The following RBFOX3 variants were observed in gnomAD, a reference collection of about 807,000 sequenced individuals.
RBFOX3 encodes the protein RNA binding fox-1 homolog 3.
In RBFOX3, 17 loss-of-function variants were observed where a neutral mutation model predicts 48.7. The ratio of observed to expected loss-of-function variants is 0.35; its 90% CI spans 0.24 to 0.52. The LOEUF (loss-of-function observed/expected upper bound fraction) is 0.52, where lower values mean the gene tolerates loss of function less well. Among genes scored for constraint, RBFOX3 ranks in the 20% least tolerant of loss-of-function variants. The probability of loss-of-function intolerance (pLI) is 0.94; values close to 1 mark genes in which losing one functional copy is unlikely to be tolerated. For missense variants in RBFOX3, 382 were observed against 497.5 expected (o/e 0.77, Z 2.21); for synonymous variants, 212 against 209.5 (o/e 1.01, Z -0.10).
At chr17:79,262,840 GC>G in intron 3 of RBFOX3, among the ~76,000 whole-genome samples, 1 of 152,398 alleles carries the variant, frequency 6.6e-6, no homozygotes, top group East Asian at 1.9e-4. Context: ...CACTGGGGCA[GC>G]CCCAATAGGG....
chr17:79,222,184 T>TGCAGCCTGATTTCTACCG (rs1434073877), intron 4 of RBFOX3, among the ~76,000 whole-genome samples: 23 of 151,980 alleles, frequency 1.5e-4, no homozygotes, highest in Middle Eastern at 3.4e-3. Context: ...GATTTCTACC[T>TGCAGCCTGATTTCTACCG]GCAGCCTGAT....
At chr17:79,548,501 G>A (rs2090773840) in intron 1 of RBFOX3, among the ~76,000 whole-genome samples, 2 of 152,244 alleles carry the variant, frequency 1.3e-5, no homozygotes, top group South Asian at 4.1e-4. Flanking sequence ...CTTTATTTCT[G>A]CAGGAAGCGC....
At chr17:79,410,613 G>A (rs2064177911) in intron 2 of RBFOX3, among the ~76,000 whole-genome samples, 1 of 152,198 alleles carries the variant, frequency 6.6e-6, no homozygotes, top group Non-Finnish European at 1.5e-5. Context: ...CTGGTGGCGT[G>A]AAAGTGGAGG....
intron 1 of RBFOX3, among the ~76,000 whole-genome samples, chr17:79,495,954 A>G (rs112503647): frequency 0.014 from 2,057 of 152,042 alleles, 42 homozygotes; most frequent in African/African-American, 0.047. Context: ...GCAGATGGGA[A>G]CGTGCAGAAA....
intron 1 of RBFOX3, among the ~76,000 whole-genome samples, chr17:79,608,318 C>T (rs2093883586): frequency 1.3e-5 from 2 of 152,228 alleles, no homozygotes; most frequent in African/African-American, 4.8e-5. Flanking sequence ...AAAGGCCCAT[C>T]CGAGTAAGGG....
At chr17:79,429,232 C>T (rs1170654515) in intron 2 of RBFOX3, among the ~76,000 whole-genome samples, 1 of 152,244 alleles carries the variant, frequency 6.6e-6, no homozygotes, top group Non-Finnish European at 1.5e-5. Flanking sequence ...GGAAAGGCAT[C>T]CTTGACCCTC....
chr17:79,162,057 T>C (rs991991894), intron 4 of RBFOX3, among the ~76,000 whole-genome samples: 1 of 152,158 alleles, frequency 6.6e-6, no homozygotes, highest in Admixed American at 6.5e-5. Context: ...CAGCTGCCCC[T>C]GCTGAGAATT....
rs1258798206 is a variant in RBFOX3 at position 79,299,715 on chromosome 17, G to A, written c.-74+8009C>T. ...GGTTAAACTGAGTTAATTAGGGTGA[G>A]TCTTAATCCAAAGTGACTGTTCTCC... On this transcript the variant is annotated intron_variant, in intron 3 of 14. Transcript: ENST00000693108. This position sits in a 1 kb window ranked among gnomAD's most constrained non-coding sequence, Gnocchi z 4.5. Among the ~76,000 whole-genome samples the A allele has an allele frequency of 6.6e-6, 1 of 152,140 alleles. No homozygotes were observed. The highest frequency in any genetic ancestry group is 1.5e-5 in the Non-Finnish European group (1 of 68,022).
intron 4 of RBFOX3, among the ~76,000 whole-genome samples, chr17:79,130,098 C>T (rs1276991620): frequency 2.0e-5 from 3 of 152,120 alleles, no homozygotes; most frequent in Admixed American, 1.3e-4. Flanking sequence ...TGACTTGCTC[C>T]CACCCCATCC....
intron 1 of RBFOX3, among the ~76,000 whole-genome samples, chr17:79,532,234 C>T (rs2062972032): frequency 2.0e-5 from 3 of 152,050 alleles, no homozygotes. Context: ...AGGCTCAGTT[C>T]CCCCTTTGTA....
chr17:79,209,759 G>A (rs8071345), intron 4 of RBFOX3, among the ~76,000 whole-genome samples: 91 of 151,986 alleles, frequency 6.0e-4, no homozygotes, highest in South Asian at 1.2e-3. Flanking sequence ...TTTGGGAGGC[G>A]GAGGCGGGTG....
Position 79,423,205 on chromosome 17 carries a change from C to G in RBFOX3, c.-175+59249G>C, listed in dbSNP as rs572019588. 2.0e-5 allele frequency among the ~76,000 whole-genome samples: 3 copies of G among 152,332 alleles called. No individual in the cohort carries two copies. The highest frequency in any genetic ancestry group is 3.9e-4 in the East Asian group (2 of 5,178). On this transcript the variant is annotated intron_variant, in intron 2 of 14. Transcript: ENST00000693108. This position sits in a 1 kb window ranked among gnomAD's most constrained non-coding sequence, Gnocchi z 4.9. ...CACATGTCCAAAACCAAACTCCTCACGTCCTGCGGTCTCCCCGTGGAAGCC... is the reference window on the plus strand; with the variant it reads ...CACATGTCCAAAACCAAACTCCTCAGGTCCTGCGGTCTCCCCGTGGAAGCC...
At chr17:79,145,464 G>C (rs1429932271) in intron 4 of RBFOX3, among the ~76,000 whole-genome samples, 2 of 152,344 alleles carry the variant, frequency 1.3e-5, no homozygotes, top group South Asian at 2.1e-4. Context: ...GACTTTAAAG[G>C]CTCCTGTGGT....
chr17:79,269,330 T>A (rs555585240), intron 3 of RBFOX3, among the ~76,000 whole-genome samples: 2 of 152,216 alleles, frequency 1.3e-5, no homozygotes, highest in South Asian at 2.1e-4. Context: ...AGGAGGCATT[T>A]CTGCTGTTGA....
intron 4 of RBFOX3, among the ~76,000 whole-genome samples, chr17:79,159,901 G>C (rs878860357): frequency 2.0e-5 from 3 of 152,232 alleles, no homozygotes; most frequent in Non-Finnish European, 4.4e-5. Context: ...GCTTCAGCGA[G>C]GGTGCATGCG....
chr17:79,483,534 C>T (rs1268932673), intron 1 of RBFOX3, among the ~76,000 whole-genome samples: 2 of 140,232 alleles, frequency 1.4e-5, no homozygotes, highest in Admixed American at 1.5e-4. Context: ...GCAGAACACC[C>T]CATCAAAATA....
intron 4 of RBFOX3, among the ~76,000 whole-genome samples, chr17:79,202,373 C>T (rs990448642): frequency 2.6e-5 from 4 of 152,156 alleles, no homozygotes; most frequent in Non-Finnish European, 5.9e-5. Context: ...GTTTCCCCAG[C>T]CCCTGAAAGC....
rs2087579660 is a variant in RBFOX3, at chr17:79,530,525, G to A, written c.-319-47927C>T. Among the ~76,000 whole-genome samples the A allele has an allele frequency of 3.3e-5, 5 of 152,060 alleles. No individual in the cohort carries two copies. The South Asian group carries it at 1.0e-3, about 32-fold the overall frequency. ...GGTAGTTTACTTTGAGGCCGTGATG[G>A]AATCCATCCACAAAAATTCAGCACC... is the stretch of plus-strand genomic sequence containing the variant. On this transcript the variant is annotated intron_variant, in intron 1 of 14. Coordinates refer to ENST00000693108, the MANE Select transcript of RBFOX3 (RefSeq NM_001350451.2).
At chr17:79,409,753 T>A (rs1447832026) in intron 2 of RBFOX3, among the ~76,000 whole-genome samples, 25 of 152,114 alleles carry the variant, frequency 1.6e-4, no homozygotes, top group South Asian at 2.1e-4. Context: ...GGCAGGCAGG[T>A]CCCTGGAGAC....
Sources: allele counts gnomAD v4.1 joint callset (sites outside exome capture counted in the v4.1 genomes callset), GRCh38; gene constraint gnomAD v4.1.1; non-coding constraint Gnocchi (gnomAD v3.1); transcripts MANE v1.5; gene names NCBI Gene and HGNC (gene_info 2026-07-23, HGNC 2026-07-21).